ADGRL2: variants seen among roughly 807,000 people sequenced by gnomAD.
ADGRL2 encodes adhesion G protein-coupled receptor L2, also known as calcium-independent alpha-latrotoxin receptor 2.
In ADGRL2, 44 loss-of-function variants were observed where a neutral mutation model predicts 157.4. That is an observed-to-expected ratio of 0.28 (90% CI 0.22 to 0.36). The LOEUF is 0.36. ADGRL2 is among the 10% of genes least tolerant of loss of function. The probability of loss-of-function intolerance (pLI) is 1.00; values close to 1 mark genes in which losing one functional copy is unlikely to be tolerated. For synonymous variants in ADGRL2, 585 were observed against 624.7 expected (o/e 0.94, Z 0.95); for missense variants, 1,510 against 1,768.9 (o/e 0.85, Z 2.63).
intron 2 of ADGRL2, among the ~76,000 whole-genome samples, chr1:81,861,997 T>A (rs572623684): frequency 5.9e-5 from 9 of 152,322 alleles, no homozygotes; most frequent in African/African-American, 1.9e-4. Flanking sequence ...GTTAATTACA[T>A]CCGTCTTTTT....
intron 1 of ADGRL2, among the ~76,000 whole-genome samples, chr1:81,745,428 T>A (rs2149240883): frequency 6.6e-6 from 1 of 152,212 alleles, no homozygotes; most frequent in East Asian, 1.9e-4. Flanking sequence ...ATGGGAGAAA[T>A]AGTGGGTATT....
chr1:81,478,697 A>G (rs1393224067), intron 2 of ADGRL2, among the ~76,000 whole-genome samples: 1 of 152,146 alleles, frequency 6.6e-6, no homozygotes, highest in Non-Finnish European at 1.5e-5. Context: ...TCTTAATGCT[A>G]TTCACATTAA....
chr1:81,612,583 T>A (rs2081564857), intron 3 of ADGRL2, among the ~76,000 whole-genome samples: 1 of 152,032 alleles, frequency 6.6e-6, no homozygotes, highest in Admixed American at 6.6e-5. Flanking sequence ...GTACTTGGTC[T>A]CTCCCATGTG....
intron 2 of ADGRL2, among the ~76,000 whole-genome samples, chr1:81,483,297 T>C (rs1390863429): frequency 6.6e-6 from 1 of 152,176 alleles, no homozygotes; most frequent in Non-Finnish European, 1.5e-5. Flanking sequence ...ACCACGGCTG[T>C]TATAGCCTAA....
At position 81,915,404 on chromosome 1, in the gene ADGRL2, C is replaced by T. The variant is rs538787864; in HGVS notation, c.287+8174C>T. On this transcript the variant is annotated intron_variant, in intron 3 of 23. Transcript: ENST00000686636. The stretch of plus-strand genomic sequence containing the variant: ...CTGTTTTTCATTTTAAAATGAAAAT[C>T]AGTAAAACAGTTCTACTAGATGTTG... Among the ~76,000 whole-genome samples the T allele has an allele frequency of 2.0e-4, 31 of 152,190 alleles. 1 individual carries two copies. The highest frequency in any genetic ancestry group is 5.2e-4 in the Admixed American group (8 of 15,278).
chr1:81,375,376 T>C (rs1159491978), intron 1 of ADGRL2, among the ~76,000 whole-genome samples: 1 of 152,076 alleles, frequency 6.6e-6, no homozygotes, highest in African/African-American at 2.4e-5. Context: ...GGCCGTGAAG[T>C]TCATTGAAAG....
chr1:81,427,811 G>A (rs1197378767), intron 1 of ADGRL2, among the ~76,000 whole-genome samples: 1 of 152,162 alleles, frequency 6.6e-6, no homozygotes, highest in African/African-American at 2.4e-5. Context: ...CATAGCCATA[G>A]TTTGCAAAAA....
intron 3 of ADGRL2, among the ~76,000 whole-genome samples, chr1:81,654,384 C>T (rs1387063807): frequency 6.6e-6 from 1 of 152,168 alleles, no homozygotes; most frequent in African/African-American, 2.4e-5. Context: ...TACTTCTGTG[C>T]TTCAGCCTTT....
At chr1:81,974,653 C>T (rs570418969) in intron 17 of ADGRL2, among the ~76,000 whole-genome samples, 41 of 152,236 alleles carry the variant, frequency 2.7e-4, no homozygotes, top group African/African-American at 9.6e-4. Flanking sequence ...CTTATCATAT[C>T]CATGTCAGCA....
intron 3 of ADGRL2, among the ~76,000 whole-genome samples, chr1:81,694,702 A>T (rs1220418791): frequency 1.3e-5 from 2 of 152,104 alleles, no homozygotes; most frequent in African/African-American, 2.4e-5. Flanking sequence ...TTCTGTAACT[A>T]ACTGTTCAGT....
chr1:81,854,635 G>A (rs954410289), intron 2 of ADGRL2, among the ~76,000 whole-genome samples: 1 of 152,134 alleles, frequency 6.6e-6, no homozygotes, highest in African/African-American at 2.4e-5. Context: ...CTAGGTATGG[G>A]TATTATCTTA....
At chr1:81,911,994 A>G (rs920491280) in intron 3 of ADGRL2, among the ~76,000 whole-genome samples, 3 of 151,496 alleles carry the variant, frequency 2.0e-5, no homozygotes, top group Middle Eastern at 3.4e-3. Context: ...AAAAAATTTT[A>G]CTTAAGCACA....
intron 3 of ADGRL2, among the ~76,000 whole-genome samples, chr1:81,671,366 C>T (rs879793726): frequency 1.3e-4 from 20 of 152,110 alleles, no homozygotes; most frequent in Non-Finnish European, 2.2e-4. Context: ...TAAGATCCAT[C>T]GGTTTTAAGG....
At position 81,951,005 on chromosome 1, in the gene ADGRL2, A is replaced by T. The variant is rs1651608850; in HGVS notation, c.1505-13A>T. 1 of 1,560,850 alleles carries T rather than the reference A, an allele frequency of 6.4e-7. No homozygotes were observed. The highest frequency in any genetic ancestry group is 2.2e-5 in the East Asian group (1 of 44,542). On this transcript the variant is annotated splice_polypyrimidine_tract_variant and intron_variant, in intron 7 of 23. Transcript: ENST00000686636. ...GGTTTCAATTTCACTGTTGTTTTCT[A>T]CATCTGTTGTAGGAACTGCCTCATA...
intron 1 of ADGRL2, among the ~76,000 whole-genome samples, chr1:81,435,952 C>T (rs187696256): frequency 7.9e-5 from 12 of 152,022 alleles, no homozygotes; most frequent in African/African-American, 1.7e-4. Flanking sequence ...CAAAATTAGC[C>T]GGGCGTGGTG....
At chr1:81,951,290 T>C (rs1211980628) in intron 8 of ADGRL2, among the ~76,000 whole-genome samples, 169 bp downstream of exon 8, 2 of 152,188 alleles carry the variant, frequency 1.3e-5, no homozygotes, top group Non-Finnish European at 2.9e-5. Flanking sequence ...GAAAGTTACA[T>C]ATGTTTGGGG....
chr1:81,349,627 G>A (rs1213389619), intron 1 of ADGRL2, among the ~76,000 whole-genome samples: 1 of 57,942 alleles, frequency 1.7e-5, no homozygotes, highest in East Asian at 2.8e-4. Context: ...CCTGTGTTGT[G>A]AGCTACACAC....
chr1:81,855,083 A>T (rs2093156640), intron 2 of ADGRL2, among the ~76,000 whole-genome samples: 1 of 152,164 alleles, frequency 6.6e-6, no homozygotes, highest in South Asian at 2.1e-4. Flanking sequence ...GAATTAACAT[A>T]AACAAGTGAA....
At chr1:81,447,675 A>C (rs544083255) in intron 2 of ADGRL2, among the ~76,000 whole-genome samples, 4 of 152,142 alleles carry the variant, frequency 2.6e-5, no homozygotes, top group Non-Finnish European at 5.9e-5. Flanking sequence ...TGATTTTTAG[A>C]AAAAAACTTC....
Sources: allele counts gnomAD v4.1 joint callset (sites outside exome capture counted in the v4.1 genomes callset), GRCh38; gene constraint gnomAD v4.1.1; transcripts MANE v1.5; gene names NCBI Gene and HGNC (gene_info 2026-07-23, HGNC 2026-07-21).